The following RBM47 variants were observed in gnomAD, a reference collection of about 807,000 sequenced individuals.
RBM47 encodes the protein RNA-binding protein 47.
A neutral mutation model predicts 47.1 loss-of-function variants in RBM47; 21 were observed. The observed-to-expected ratio is 0.45, with a 90% CI of 0.32 to 0.64. The LOEUF (loss-of-function observed/expected upper bound fraction) is 0.64. RBM47 is among the 30% of genes least tolerant of loss of function. The pLI is 0.05. For missense variants in RBM47, 708 were observed against 870.9 expected, an observed-to-expected ratio of 0.81 and a Z score of 2.35; for synonymous variants, 375 against 361.7, an observed-to-expected ratio of 1.04 and a Z score of -0.42.
chr4:40,471,934 A>G (rs1405823838), intron 2 of RBM47, among the ~76,000 whole-genome samples: 1 of 152,164 alleles, frequency 6.6e-6, no homozygotes, highest in Non-Finnish European at 1.5e-5. Flanking sequence ...CATTCCTTCT[A>G]CAAAGCTATT....
chr4:40,622,993 C>T (rs1737404726), intron 1 of RBM47, among the ~76,000 whole-genome samples: 1 of 152,190 alleles, frequency 6.6e-6, no homozygotes, highest in South Asian at 2.1e-4. Context: ...GCAGACGTAT[C>T]CACCCTTCCG....
At chr4:40,579,023 G>A (rs1168745494) in intron 1 of RBM47, among the ~76,000 whole-genome samples, 2 of 151,986 alleles carry the variant, frequency 1.3e-5, no homozygotes. Context: ...GGAGGCTGAG[G>A]CAGAAGAATC....
intron 1 of RBM47, among the ~76,000 whole-genome samples, chr4:40,578,322 T>C (rs1732532328): frequency 6.6e-6 from 1 of 152,248 alleles, no homozygotes; most frequent in Non-Finnish European, 1.5e-5. Flanking sequence ...CTTTAAGTTC[T>C]TTCCTTCTAC....
upstream of RBM47, chr4:40,630,694 G>A (rs904254713): frequency 6.6e-6 from 1 of 152,164 alleles, no homozygotes; most frequent in Non-Finnish European, 1.5e-5. Flanking sequence ...CCTGCTCTCT[G>A]GGGAGTTGGC....
chr4:40,437,143 A>G (rs1252680987), intron 4 of RBM47, among the ~76,000 whole-genome samples: 1 of 62,338 alleles, frequency 1.6e-5, no homozygotes, highest in Admixed American at 2.0e-4. Flanking sequence ...AAATACATAT[A>G]TATATATAAA....
At chr4:40,457,653 T>C (rs979091414) in intron 3 of RBM47, among the ~76,000 whole-genome samples, 2 of 152,154 alleles carry the variant, frequency 1.3e-5, no homozygotes, top group Non-Finnish European at 2.9e-5. Flanking sequence ...CAGGCTGGTC[T>C]TGAACTCCTA....
At position 40,463,415 on chromosome 4, in the gene RBM47, T is replaced by G. The variant is rs370268627; in HGVS notation, c.-32+3162A>C. ...TGGAGAAACTGGAACCCTTGTGCAC[T>G]GCTGGTGGGAATGTATAATGGTGCA... is the stretch of plus-strand genomic sequence containing the variant. On this transcript the variant is annotated intron_variant, in intron 3 of 6. Coordinates refer to ENST00000295971, the MANE Select transcript of RBM47 (RefSeq NM_001098634.2). 1.1e-4 allele frequency among the ~76,000 whole-genome samples: 16 copies of G among 152,302 alleles called. 1 individual carries two copies. The South Asian group carries it at 3.3e-3, about 32-fold the overall frequency.
chr4:40,585,523 T>C (rs1300856587), intron 1 of RBM47, among the ~76,000 whole-genome samples: 2 of 152,138 alleles, frequency 1.3e-5, no homozygotes, highest in African/African-American at 4.8e-5. Flanking sequence ...ACGTACATTA[T>C]AACTGCCTAT....
intron 2 of RBM47, chr4:40,543,171 C>T (rs933749615): frequency 5.9e-5 from 9 of 152,144 alleles, no homozygotes; most frequent in African/African-American, 1.7e-4. Context: ...GGGAATCATG[C>T]CCATTCTGTG....
intron 2 of RBM47, among the ~76,000 whole-genome samples, chr4:40,530,315 T>A (rs1403766950): frequency 6.6e-6 from 1 of 152,016 alleles, no homozygotes; most frequent in Non-Finnish European, 1.5e-5. Flanking sequence ...TTCTTCTTCT[T>A]TTTTTCGAGA....
In RBM47 at chr4:40,432,725, C is replaced by G. The variant is rs775331815; in HGVS notation, c.1468G>C (p.Ala490Pro). 6.2e-6 allele frequency: 10 copies of G among 1,611,924 alleles called. No individual in the cohort carries two copies. Among genetic ancestry groups the G allele is most frequent in the Non-Finnish European group, 8.5e-6 (10 of 1,179,618 alleles). Residue 490 changes from alanine to proline, a missense_variant, in exon 6 of 7, where the codon GCT becomes CCT. By Grantham distance (27) the Ala-to-Pro change is conservative (BLOSUM62 -1). Transcript: ENST00000295971. The part of the protein sequence containing the change: ...IAVQPDPASA[A>P]AAAAAAAAAA... ...GCTGCGGCCGCGGCTGCGGCGGCAG[C>G]AGCACTGGCTGGGTCTGGCTGCACA...
At chr4:40,494,766 T>C (rs1722355338) in intron 2 of RBM47, among the ~76,000 whole-genome samples, 1 of 152,084 alleles carries the variant, frequency 6.6e-6, no homozygotes, top group African/African-American at 2.4e-5. Flanking sequence ...TTTGGGGGAA[T>C]TTCTCATCCT....
chr4:40,582,982 A>T (rs1386883575), intron 1 of RBM47, among the ~76,000 whole-genome samples: 1 of 152,260 alleles, frequency 6.6e-6, no homozygotes, highest in Admixed American at 6.5e-5. Flanking sequence ...AGCTTAGCAC[A>T]TAGCAAGTGC....
chr4:40,610,893 C>T (rs868548283), intron 1 of RBM47, among the ~76,000 whole-genome samples: 2 of 152,056 alleles, frequency 1.3e-5, no homozygotes, highest in African/African-American at 2.4e-5. Flanking sequence ...GTAAGAAGTG[C>T]CTTTCACCCT....
chr4:40,444,572 C>A (rs768455211), intron 3 of RBM47, among the ~76,000 whole-genome samples: 17 of 152,088 alleles, frequency 1.1e-4, no homozygotes, highest in African/African-American at 1.7e-4. Context: ...TGTGGAAGAG[C>A]GCATCCTTGA....
intron 2 of RBM47, among the ~76,000 whole-genome samples, chr4:40,523,783 T>G (rs1226675628): frequency 6.6e-6 from 1 of 150,988 alleles, no homozygotes; most frequent in Non-Finnish European, 1.5e-5. Context: ...GAGGATTACC[T>G]GAGCCTGGGA....
intron 1 of RBM47, among the ~76,000 whole-genome samples, chr4:40,572,366 C>T (rs913971881): frequency 2.8e-5 from 4 of 142,516 alleles, no homozygotes; most frequent in Non-Finnish European, 4.6e-5. Context: ...GACTCCATCT[C>T]AAAAAAAAAA....
At chr4:40,541,581 TACA>T (rs1728548060) in intron 2 of RBM47, among the ~76,000 whole-genome samples, 1 of 151,904 alleles carries the variant, frequency 6.6e-6, no homozygotes, top group African/African-American at 2.4e-5. Flanking sequence ...TTACTAAAAA[TACA>T]ACAAATTAGC....
chr4:40,563,212 A>T (rs1295379844), intron 1 of RBM47, among the ~76,000 whole-genome samples: 1 of 152,204 alleles, frequency 6.6e-6, no homozygotes, highest in Non-Finnish European at 1.5e-5. Context: ...ATAAATAAAT[A>T]AAATACCTTT....
Sources: gnomAD v4.1 joint callset for allele counts (sites outside exome capture counted in the v4.1 genomes callset) on GRCh38, gnomAD v4.1.1 for gene constraint, MANE v1.5 for transcripts, NCBI Gene and HGNC (gene_info 2026-07-23, HGNC 2026-07-21) for gene names.